Variants in RGS6 observed in about 807,000 individuals in gnomAD.
RGS6 encodes the protein regulator of G protein signaling 6, also known as regulator of G-protein signaling 6.
RGS6 carries 30 observed loss-of-function variants against 78.5 expected under a neutral mutation model. The observed-to-expected ratio is 0.38, with a 90% CI of 0.29 to 0.52. The LOEUF (loss-of-function observed/expected upper bound fraction) is 0.52, where lower values mean the gene tolerates loss of function less well. Ranked by LOEUF, RGS6 falls within the 20% of genes least tolerant of loss-of-function variation. The pLI is 0.85. For missense variants in RGS6, 495 were observed against 609.7 expected (o/e 0.81, Z 1.98); for synonymous variants, 206 against 206.0 (o/e 1.00, Z 0.00).
intron 17 of RGS6, chr14:72,541,643 T>C (rs1422583389): frequency 2.0e-6 from 3 of 1,533,514 alleles, no homozygotes; most frequent in South Asian, 1.2e-5. Context: ...CATCTCTCTC[T>C]GTTTGTCTCT....
rs1240853284 is a variant in RGS6, at chr14:72,121,668, C to G, written c.84+156793C>G. On this transcript the variant is annotated intron_variant, in intron 2 of 17. Coordinates refer to ENST00000553525, the MANE Select transcript of RGS6 (RefSeq NM_001204424.2). ...CAGCCCTAGTGAATTGTTGACTGCTCCATAAGAATATCTTGCTCATTTAAC... is the reference window on the plus strand; with the variant it reads ...CAGCCCTAGTGAATTGTTGACTGCTGCATAAGAATATCTTGCTCATTTAAC... Among the ~76,000 whole-genome samples the G allele has an allele frequency of 2.0e-5, 3 of 152,150 alleles. No homozygotes were observed. In the East Asian group the frequency reaches 5.8e-4, roughly 29 times the overall value.
At chr14:72,348,699 C>T (rs1255375850) in intron 2 of RGS6, among the ~76,000 whole-genome samples, 3 of 152,198 alleles carry the variant, frequency 2.0e-5, no homozygotes, top group African/African-American at 7.2e-5. Context: ...AATTGAATTT[C>T]TGCGTTCTTA....
chr14:71,900,343 C>T, the RGS6 span, among the ~76,000 whole-genome samples: 4 of 152,132 alleles, frequency 2.6e-5, no homozygotes, highest in African/African-American at 4.8e-5. Flanking sequence ...TATATTTGGC[C>T]ATGAGCTACT....
At chr14:72,099,750 T>C (rs751841094) in intron 2 of RGS6, among the ~76,000 whole-genome samples, 17 of 152,208 alleles carry the variant, frequency 1.1e-4, no homozygotes, top group Non-Finnish European at 2.2e-4. Context: ...GCGGGGATTA[T>C]TTGTCTTTAG....
rs373685905 is a variant in RGS6 at position 72,526,322 on chromosome 14, G to A, written c.1278+7785G>A. 1.1e-4 allele frequency among the ~76,000 whole-genome samples: 17 copies of A among 152,120 alleles called. 1 individual carries two copies. In the South Asian group the frequency reaches 3.5e-3, roughly 32 times the overall value. On this transcript the variant is annotated intron_variant, in intron 15 of 17. Coordinates refer to ENST00000553525, the MANE Select transcript of RGS6 (RefSeq NM_001204424.2). The stretch of plus-strand genomic sequence containing the variant: ...GGGTTTCACCATATTAGCCAGGATG[G>A]TCTCGATCTCCTGACCTCATGATCT...
chr14:72,343,922 A>C (rs1239666428), intron 2 of RGS6, among the ~76,000 whole-genome samples: 1 of 152,196 alleles, frequency 6.6e-6, no homozygotes, highest in Non-Finnish European at 1.5e-5. Flanking sequence ...GGTTGCTAGA[A>C]TATTTCATTG....
chr14:72,088,217 A>G (rs1292655645), intron 2 of RGS6, among the ~76,000 whole-genome samples: 1 of 152,180 alleles, frequency 6.6e-6, no homozygotes, highest in East Asian at 1.9e-4. Context: ...TTTGCTCATG[A>G]GTAACCTTCG....
At chr14:72,589,280 T>C in the RGS6 span, among the ~76,000 whole-genome samples, 1 of 152,240 alleles carries the variant, frequency 6.6e-6, no homozygotes, top group African/African-American at 2.4e-5. Context: ...CTGGGCACCA[T>C]GGCTCATGCC....
At chr14:72,042,767 G>T (rs1200374696) in intron 2 of RGS6, among the ~76,000 whole-genome samples, 1 of 151,872 alleles carries the variant, frequency 6.6e-6, no homozygotes, top group Non-Finnish European at 1.5e-5. Context: ...TATTTTGGGA[G>T]GTTATTATAA....
chr14:72,278,707 C>T (rs112782897), intron 2 of RGS6, among the ~76,000 whole-genome samples: 1 of 152,182 alleles, frequency 6.6e-6, no homozygotes, highest in Non-Finnish European at 1.5e-5. Context: ...TTCATTAAGC[C>T]ATTGTCTGGT....
intron 2 of RGS6, among the ~76,000 whole-genome samples, chr14:72,142,518 T>G (rs543789786): frequency 6.6e-6 from 1 of 152,346 alleles, no homozygotes; most frequent in South Asian, 2.1e-4. Context: ...CATTTGCATC[T>G]GTTCCATGTG....
intron 2 of RGS6, among the ~76,000 whole-genome samples, chr14:72,292,928 T>G (rs2063886706): frequency 6.6e-6 from 1 of 152,248 alleles, no homozygotes; most frequent in African/African-American, 2.4e-5. Flanking sequence ...AACGCATCAC[T>G]TTTCCAACAG....
chr14:72,372,371 A>G (rs1289981868), intron 3 of RGS6, among the ~76,000 whole-genome samples: 8 of 152,200 alleles, frequency 5.3e-5, no homozygotes. Flanking sequence ...CCAACACTTA[A>G]TTCAGGTTCT....
intron 2 of RGS6, among the ~76,000 whole-genome samples, chr14:72,301,398 T>C (rs972246330): frequency 1.3e-5 from 2 of 152,164 alleles, no homozygotes; most frequent in African/African-American, 4.8e-5. Context: ...CAGTGAAGTA[T>C]GTATTTATCG....
In RGS6 at chr14:72,520,494, C is replaced by T. The variant is rs965126395; in HGVS notation, c.1278+1957C>T. Among the ~76,000 whole-genome samples the T allele has an allele frequency of 5.3e-5, 8 of 152,190 alleles. No individual in the cohort carries two copies. In the South Asian group the frequency reaches 6.2e-4, roughly 12 times the overall value. ...CCTTTTTGCAGATATTGATGTCTAT[C>T]GCTTATATCCATTAGTTAATTAGAG... On this transcript the variant is annotated intron_variant, in intron 15 of 17. Transcript: ENST00000553525.
chr14:72,540,287 A>G, intron 17 of RGS6, 193 bp downstream of exon 17: 13 of 1,515,148 alleles, frequency 8.6e-6, no homozygotes, highest in Non-Finnish European at 1.1e-5. Context: ...AAATGCAAAA[A>G]AGAGCAAGCG....
At chr14:72,042,476 A>G (rs1218178152) in intron 2 of RGS6, among the ~76,000 whole-genome samples, 3 of 152,128 alleles carry the variant, frequency 2.0e-5, no homozygotes, top group Non-Finnish European at 4.4e-5. Flanking sequence ...AGTAGGATAT[A>G]TATGTAAATC....
intron 2 of RGS6, among the ~76,000 whole-genome samples, chr14:72,023,995 C>A (rs371356820): frequency 6.6e-6 from 1 of 152,192 alleles, no homozygotes; most frequent in Non-Finnish European, 1.5e-5. Context: ...GAAGTGCTCG[C>A]GACAATGAGC....
chr14:72,014,995 C>T (rs1276798502), intron 2 of RGS6, among the ~76,000 whole-genome samples: 3 of 152,230 alleles, frequency 2.0e-5, no homozygotes, highest in East Asian at 3.9e-4. Context: ...GAGGTTTATC[C>T]ATGTTGATTT....
Sources: allele counts gnomAD v4.1 joint callset (sites outside exome capture counted in the v4.1 genomes callset), GRCh38; gene constraint gnomAD v4.1.1; transcripts MANE v1.5; gene names NCBI Gene and HGNC (gene_info 2026-07-23, HGNC 2026-07-21).